The following TRMT11 variants were observed in gnomAD, a reference collection of about 807,000 sequenced individuals.
TRMT11 encodes tRNA methyltransferase 11.
In TRMT11, 53 loss-of-function variants were observed where a neutral mutation model predicts 62.8. The observed-to-expected ratio is 0.84, with a 90% CI of 0.68 to 1.06. TRMT11 has a LOEUF of 1.06. Among genes scored for constraint, TRMT11 ranks in the 50% least tolerant of loss-of-function variants. The pLI is 0.00. For synonymous variants in TRMT11, 188 were observed against 190.3 expected (o/e 0.99, Z 0.10); for missense variants, 556 against 553.4 (o/e 1.00, Z -0.05).
At chr6:126,182,274 G>C (rs557274721) in intron 1 of TRMT11, among the ~76,000 whole-genome samples, 1 of 152,190 alleles carries the variant, frequency 6.6e-6, no homozygotes, top group Non-Finnish European at 1.5e-5. Flanking sequence ...AGGTACCGAT[G>C]GGGGATCCTG....
the TRMT11 span, among the ~76,000 whole-genome samples, chr6:126,235,165 A>G: frequency 6.6e-6 from 1 of 152,204 alleles, no homozygotes; most frequent in South Asian, 2.1e-4. Flanking sequence ...ACCATCTCAC[A>G]CTAGTCAGAA....
chr6:126,232,794 A>G, the TRMT11 span, among the ~76,000 whole-genome samples: 1 of 152,214 alleles, frequency 6.6e-6, no homozygotes, highest in East Asian at 1.9e-4. Context: ...AAAGTTAACA[A>G]ATAAGCAAAA....
At chr6:126,103,415 A>C (rs1479329188) in intron 17 of TRMT11, among the ~76,000 whole-genome samples, 1 of 152,218 alleles carries the variant, frequency 6.6e-6, no homozygotes, top group Non-Finnish European at 1.5e-5. Context: ...AAATTTCCAC[A>C]GACATAGTGG....
downstream of TRMT11, among the ~76,000 whole-genome samples, chr6:126,207,105 G>C (rs1338838184): frequency 6.6e-6 from 1 of 152,112 alleles, no homozygotes; most frequent in African/African-American, 2.4e-5. Context: ...ACTTCGAATT[G>C]AATGATTCTG....
the TRMT11 span, chr6:126,258,277 A>G: frequency 5.8e-6 from 3 of 516,272 alleles, no homozygotes; most frequent in African/African-American, 1.9e-5. Flanking sequence ...GTGGGCTCTG[A>G]AAGTAAACAC....
At chr6:126,108,672 G>T (rs1388304080) in intron 17 of TRMT11, among the ~76,000 whole-genome samples, 1 of 152,184 alleles carries the variant, frequency 6.6e-6, no homozygotes, top group Non-Finnish European at 1.5e-5. Flanking sequence ...TGAATGTGGT[G>T]CTCTAGAAAA....
Position 126,011,440 on chromosome 6 carries a change from G to A in TRMT11, c.925+23G>A, listed in dbSNP as rs1583702390. 3 of 1,591,268 alleles carry A rather than the reference G, an allele frequency of 1.9e-6. No individual in the cohort carries two copies. In the East Asian group the frequency reaches 6.7e-5, roughly 36 times the overall value. ...ATCGTAAGTTTATTTTTATACAAAA[G>A]TAGGAGTAGGATTCGTTTTGTAAAA... On this transcript the variant is annotated intron_variant, in intron 9 of 12. Transcript: ENST00000334379.
At chr6:126,148,297 C>G (rs1777998782) in intron 21 of TRMT11, among the ~76,000 whole-genome samples, 1 of 152,134 alleles carries the variant, frequency 6.6e-6, no homozygotes, top group Admixed American at 6.5e-5. Flanking sequence ...CAACCCAATG[C>G]AGAAATGACA....
chr6:126,075,025 CA>C (rs1776977658), intron 17 of TRMT11, among the ~76,000 whole-genome samples: 1 of 152,022 alleles, frequency 6.6e-6, no homozygotes, highest in Non-Finnish European at 1.5e-5. Context: ...CATAAGACCT[CA>C]AAAAATCATT....
intron 3 of TRMT11, among the ~76,000 whole-genome samples, chr6:126,201,744 A>C (rs1022051953): frequency 6.6e-6 from 1 of 151,294 alleles, no homozygotes; most frequent in African/African-American, 2.4e-5. Flanking sequence ...ATTTTCCTCT[A>C]AATTATTTGT....
At chr6:126,222,175 GT>G in the TRMT11 span, among the ~76,000 whole-genome samples, 1 of 152,220 alleles carries the variant, frequency 6.6e-6, no homozygotes, top group South Asian at 2.1e-4. Context: ...CTATGTGTCT[GT>G]TTTTGTAACA....
intron 16 of TRMT11, among the ~76,000 whole-genome samples, chr6:126,044,353 T>C (rs1046735448): frequency 6.6e-6 from 1 of 152,212 alleles, no homozygotes; most frequent in Non-Finnish European, 1.5e-5. Flanking sequence ...TTGTCAAAGA[T>C]CAGATAGCTG....
At chr6:126,024,192 C>T (rs767366542) in intron 12 of TRMT11, among the ~76,000 whole-genome samples, 7 of 152,012 alleles carry the variant, frequency 4.6e-5, no homozygotes, top group Admixed American at 1.3e-4. Flanking sequence ...TTTTATTTAC[C>T]TTATCCAGTT....
intron 17 of TRMT11, among the ~76,000 whole-genome samples, chr6:126,107,577 C>G (rs1198604697): frequency 6.6e-6 from 1 of 152,134 alleles, no homozygotes; most frequent in Non-Finnish European, 1.5e-5. Context: ...TCATGCACAG[C>G]AGGCGAGTTT....
At chr6:126,049,200 G>A (rs1776143882) in intron 16 of TRMT11, among the ~76,000 whole-genome samples, 1 of 151,774 alleles carries the variant, frequency 6.6e-6, no homozygotes, top group Non-Finnish European at 1.5e-5. Flanking sequence ...TCTCAACAGG[G>A]CAGTCTTCTG....
chr6:126,255,983 C>T, the TRMT11 span, among the ~76,000 whole-genome samples: 2 of 152,126 alleles, frequency 1.3e-5, no homozygotes, highest in East Asian at 3.9e-4. Context: ...CTTGGCTGGG[C>T]AGTTCTGGCT....
chr6:126,197,070 ATCTG>A (rs1199991930), intron 1 of TRMT11, among the ~76,000 whole-genome samples: 2 of 152,144 alleles, frequency 1.3e-5, no homozygotes, highest in Admixed American at 6.5e-5. Flanking sequence ...TTCATCTATC[ATCTG>A]TCTGTCTGTT....
At chr6:126,259,276 A>G in the TRMT11 span, among the ~76,000 whole-genome samples, 1 of 152,214 alleles carries the variant, frequency 6.6e-6, no homozygotes, top group Non-Finnish European at 1.5e-5. Context: ...GACTCACTGC[A>G]ACCTCTGTCT....
chr6:126,065,284 G>T lies in TRMT11; in HGVS notation c.*1437+12094G>T, dbSNP rs117157791. 7.2e-4 allele frequency among the ~76,000 whole-genome samples: 109 copies of T among 152,196 alleles called. No individual in the cohort carries two copies. The East Asian group carries it at 0.02, about 28-fold the overall frequency. On this transcript the variant is annotated intron_variant and NMD_transcript_variant, in intron 17 of 22. Transcript: ENST00000648977. ...TCAAATAATCTTGTTCTTCTATCAC[G>T]TGTCCACTGCTGGAGAACTCCTGCC...
Sources: allele counts gnomAD v4.1 joint callset (sites outside exome capture counted in the v4.1 genomes callset), GRCh38; gene constraint gnomAD v4.1.1; transcripts MANE v1.5; gene names NCBI Gene and HGNC (gene_info 2026-07-23, HGNC 2026-07-21).